The following LRRTM4 variants were observed in gnomAD, a reference collection of about 807,000 sequenced individuals.
LRRTM4 encodes leucine-rich repeat transmembrane neuronal protein 4.
Under a neutral mutation model 47.6 loss-of-function variants are expected in LRRTM4, and 25 were observed. The ratio of observed to expected loss-of-function variants is 0.53; its 90% CI spans 0.38 to 0.73. LRRTM4 has a LOEUF of 0.73. Ranked by LOEUF, LRRTM4 falls within the 30% of genes least tolerant of loss-of-function variation. The probability of loss-of-function intolerance (pLI) is 0.00; values close to 1 mark genes in which losing one functional copy is unlikely to be tolerated. For synonymous variants in LRRTM4, 311 were observed against 269.5 expected, an observed-to-expected ratio of 1.15 and a Z score of -1.51; for missense variants, 638 against 713.4, an observed-to-expected ratio of 0.89 and a Z score of 1.20.
chr2:77,169,869 T>G (rs1293700075), intron 3 of LRRTM4, among the ~76,000 whole-genome samples: 1 of 152,208 alleles, frequency 6.6e-6, no homozygotes, highest in Admixed American at 6.6e-5. Flanking sequence ...ATTTTAATCC[T>G]CTTCTTCAAT....
intron 3 of LRRTM4, among the ~76,000 whole-genome samples, chr2:77,382,334 T>C (rs1403398601): frequency 6.6e-6 from 1 of 152,064 alleles, no homozygotes; most frequent in Non-Finnish European, 1.5e-5. Context: ...ACCATATAAT[T>C]TCTCCCAGAA....
chr2:76,820,167 T>C (rs1447481027), intron 3 of LRRTM4, among the ~76,000 whole-genome samples: 2 of 151,972 alleles, frequency 1.3e-5, no homozygotes, highest in East Asian at 3.9e-4. Context: ...TTATTTATCA[T>C]TAAATGTAAT....
At chr2:76,750,710 C>T (rs77073950) in intron 3 of LRRTM4, among the ~76,000 whole-genome samples, 8,796 of 152,178 alleles carry the variant, frequency 0.058, 303 homozygotes, top group Non-Finnish European at 0.073. Flanking sequence ...GTTTACTATG[C>T]AAGTTCCTCA....
intron 3 of LRRTM4, among the ~76,000 whole-genome samples, chr2:76,843,509 G>C (rs1317283523): frequency 6.6e-6 from 1 of 152,112 alleles, no homozygotes; most frequent in African/African-American, 2.4e-5. Context: ...CTAAATCCCA[G>C]TTCTCATTCA....
chr2:76,853,030 T>C (rs547248160), intron 3 of LRRTM4, among the ~76,000 whole-genome samples: 10 of 152,136 alleles, frequency 6.6e-5, no homozygotes, highest in African/African-American at 2.2e-4. Context: ...AGGTAGAATA[T>C]AGAGAGATGA....
rs189884472 is a variant in LRRTM4 at position 77,065,538 on chromosome 2, C to G, written c.1552-316622G>C. Among the ~76,000 whole-genome samples, 59 of 152,250 alleles carry G rather than the reference C, an allele frequency of 3.9e-4. 1 individual carries two copies. The highest frequency in any genetic ancestry group is 1.4e-3 in the African/African-American group (58 of 41,552). ...TAAATACCACTATTACTACTATATG[C>G]TACTAAATTACATTTTGTAACAACA... On this transcript the variant is annotated intron_variant, in intron 3 of 3. Transcript: ENST00000409884.
At chr2:77,070,339 G>A (rs1680109562) in intron 3 of LRRTM4, among the ~76,000 whole-genome samples, 1 of 151,996 alleles carries the variant, frequency 6.6e-6, no homozygotes, top group Admixed American at 6.6e-5. Context: ...GCCAGTTTTT[G>A]AGTTGACTTT....
At chr2:76,876,487 T>A (rs548598802) in intron 3 of LRRTM4, among the ~76,000 whole-genome samples, 20 of 149,298 alleles carry the variant, frequency 1.3e-4, no homozygotes, top group African/African-American at 5.1e-4. Flanking sequence ...TCTTTCCCCT[T>A]GGATAAAAAT....
chr2:77,336,882 C>A (rs1008528860), intron 3 of LRRTM4, among the ~76,000 whole-genome samples: 1 of 151,996 alleles, frequency 6.6e-6, no homozygotes, highest in African/African-American at 2.4e-5. Context: ...TCAGACGGGA[C>A]AATGAACCAA....
intron 3 of LRRTM4, among the ~76,000 whole-genome samples, chr2:76,992,131 T>C (rs1395088651): frequency 2.0e-5 from 3 of 151,718 alleles, no homozygotes; most frequent in Non-Finnish European, 4.4e-5. Flanking sequence ...TGAAGAAACA[T>C]GACTCAAAAT....
intron 3 of LRRTM4, among the ~76,000 whole-genome samples, chr2:76,816,672 C>A (rs1435480989): frequency 6.6e-6 from 1 of 151,674 alleles, no homozygotes; most frequent in Non-Finnish European, 1.5e-5. Flanking sequence ...TGTTTCATAA[C>A]CTGGATCAAC....
At chr2:77,338,776 C>T (rs1265328325) in intron 3 of LRRTM4, among the ~76,000 whole-genome samples, 8 of 151,904 alleles carry the variant, frequency 5.3e-5, no homozygotes, top group Admixed American at 3.9e-4. Flanking sequence ...AATAAATCAT[C>T]GTACCACAAA....
intron 3 of LRRTM4, among the ~76,000 whole-genome samples, chr2:77,266,466 TAAAGAA>T (rs937071037): frequency 7.9e-5 from 12 of 151,786 alleles, no homozygotes; most frequent in African/African-American, 2.7e-4. Context: ...GATTAGAAAA[TAAAGAA>T]GAAGAACAAA....
At chr2:77,404,349 G>A (rs1344478392) in intron 3 of LRRTM4, among the ~76,000 whole-genome samples, 1 of 151,848 alleles carries the variant, frequency 6.6e-6, no homozygotes, top group Non-Finnish European at 1.5e-5. Flanking sequence ...TTCTTCAGCT[G>A]GCTACTACAA....
chr2:77,498,530 AG>A (rs1325946979), intron 3 of LRRTM4, among the ~76,000 whole-genome samples: 1 of 151,832 alleles, frequency 6.6e-6, no homozygotes, highest in Non-Finnish European at 1.5e-5. Context: ...TACACATAAT[AG>A]GCAAACAAGC....
At chr2:77,077,635 G>A (rs1680382089) in intron 3 of LRRTM4, among the ~76,000 whole-genome samples, 1 of 152,080 alleles carries the variant, frequency 6.6e-6, no homozygotes, top group South Asian at 2.1e-4. Context: ...TAATTCCAGT[G>A]CCCAAGATCC....
At chr2:76,942,842 A>G (rs138124671) in intron 3 of LRRTM4, among the ~76,000 whole-genome samples, 1 of 152,308 alleles carries the variant, frequency 6.6e-6, no homozygotes, top group East Asian at 1.9e-4. Flanking sequence ...TCTAATTCCA[A>G]AATGAATGTA....
At chr2:77,309,609 C>T (rs1394183342) in intron 3 of LRRTM4, among the ~76,000 whole-genome samples, 2 of 152,012 alleles carry the variant, frequency 1.3e-5, no homozygotes, top group Non-Finnish European at 2.9e-5. Flanking sequence ...CCCTGGGATA[C>T]TAGCCACTGC....
chr2:76,906,141 T>G (rs527748555), intron 3 of LRRTM4, among the ~76,000 whole-genome samples: 12 of 152,152 alleles, frequency 7.9e-5, no homozygotes, highest in African/African-American at 1.7e-4. Context: ...GACTAACAGC[T>G]GATCTCTCAG....
Sources: allele counts gnomAD v4.1 joint callset (sites outside exome capture counted in the v4.1 genomes callset), GRCh38; gene constraint gnomAD v4.1.1; transcripts MANE v1.5; gene names NCBI Gene and HGNC (gene_info 2026-07-23, HGNC 2026-07-21).